Variants in AGPAT5 observed in about 807,000 individuals in gnomAD.
AGPAT5 encodes the protein 1-acyl-sn-glycerol-3-phosphate acyltransferase epsilon.
AGPAT5 carries 46 observed loss-of-function variants against 45.6 expected under a neutral mutation model. The observed-to-expected ratio is 1.01, with a 90% CI of 0.80 to 1.29. The LOEUF is 1.29. Among genes scored for constraint, AGPAT5 ranks in the 50% most tolerant of loss-of-function variants. The pLI is 0.00. For missense variants in AGPAT5, 673 were observed against 450.7 expected (o/e 1.49, Z -4.47); for synonymous variants, 272 against 167.0 (o/e 1.63, Z -4.85).
At chr8:6,748,122 C>T (rs1255847010) in intron 6 of AGPAT5, among the ~76,000 whole-genome samples, 4 of 152,064 alleles carry the variant, frequency 2.6e-5, no homozygotes, top group East Asian at 3.9e-4. Context: ...GGGAGGAAGA[C>T]GTGAAGAAGG....
At chr8:6,712,400 G>A (rs1246117693) in intron 1 of AGPAT5, among the ~76,000 whole-genome samples, 1 of 151,792 alleles carries the variant, frequency 6.6e-6, no homozygotes. Context: ...GGAAATAACT[G>A]AAATCCTGAT....
At chr8:6,756,165 C>G (rs543358148) in intron 7 of AGPAT5, among the ~76,000 whole-genome samples, 1 of 152,088 alleles carries the variant, frequency 6.6e-6, no homozygotes, top group African/African-American at 2.4e-5. Context: ...CTTTACAAAT[C>G]TTATGTAATA....
chr8:6,728,837 G>C (rs1417321712), intron 2 of AGPAT5, among the ~76,000 whole-genome samples: 1 of 152,162 alleles, frequency 6.6e-6, no homozygotes, highest in Non-Finnish European at 1.5e-5. Flanking sequence ...AAAGAAATAT[G>C]TTTATCAGTT....
intron 5 of AGPAT5, among the ~76,000 whole-genome samples, chr8:6,744,516 T>G (rs929845680): frequency 1.3e-5 from 2 of 152,122 alleles, no homozygotes; most frequent in Non-Finnish European, 2.9e-5. Context: ...TTGTGGAGGC[T>G]TGGGGGGATC....
At chr8:6,713,149 T>C (rs986208332) in intron 1 of AGPAT5, among the ~76,000 whole-genome samples, 1 of 152,212 alleles carries the variant, frequency 6.6e-6, no homozygotes, top group Admixed American at 6.5e-5. Context: ...TTAAAAGTTT[T>C]TGTAGAAATG....
At chr8:6,738,793 T>G (rs1209208812) in intron 4 of AGPAT5, among the ~76,000 whole-genome samples, 1 of 152,202 alleles carries the variant, frequency 6.6e-6, no homozygotes, top group Non-Finnish European at 1.5e-5. Context: ...TTTTATACAT[T>G]TATATGTATC....
intron 5 of AGPAT5, chr8:6,746,022 C>T (rs944996195): frequency 1.3e-5 from 2 of 151,048 alleles, no homozygotes; most frequent in African/African-American, 4.9e-5. Context: ...TTCCTTCCCT[C>T]ACTCGTTCTC....
chr8:6,739,174 C>T (rs1244756001), intron 4 of AGPAT5, among the ~76,000 whole-genome samples: 1 of 151,956 alleles, frequency 6.6e-6, no homozygotes. Context: ...ATGCCAATAC[C>T]ATACTGTCTT....
intron 4 of AGPAT5, among the ~76,000 whole-genome samples, chr8:6,736,069 G>A (rs1239086733): frequency 1.3e-5 from 2 of 152,042 alleles, no homozygotes; most frequent in African/African-American, 2.4e-5. Flanking sequence ...GGCCAGGCTG[G>A]TCTCGAACTC....
In AGPAT5 at chr8:6,756,609, C is replaced by CAA. The variant is rs11300826; in HGVS notation, c.870-537_870-536dup. Among the ~76,000 whole-genome samples the CAA allele has an allele frequency of 7.1e-3, 878 of 122,906 alleles. 15 individuals are homozygous for CAA. Among genetic ancestry groups the CAA allele is most frequent in the East Asian group, 0.068 (288 of 4,220 alleles). 80.6% of individuals were successfully genotyped at this position (122,906 alleles called of 152,430 possible). A position where few individuals can be genotyped will look rare whatever the true frequency, so the allele number is the denominator to read the frequency against. ...AGCCTGGTAACAGAGTGCCTTTTTT[C>CAA]AAAAAAAAAAAAAAAAAAGGATTTG... On this transcript the variant is annotated intron_variant, in intron 7 of 7. Coordinates refer to ENST00000285518, the MANE Select transcript of AGPAT5 (RefSeq NM_018361.5).
At chr8:6,724,786 C>G in intron 1 of AGPAT5, 84 bp from the exon 2 acceptor site, 1 of 414,270 alleles carries the variant, frequency 2.4e-6, no homozygotes, top group Non-Finnish European at 4.3e-6. Context: ...CAACATCATT[C>G]GTCAGTTTCT....
intron 2 of AGPAT5, among the ~76,000 whole-genome samples, chr8:6,725,616 G>C (rs577243662): frequency 6.6e-6 from 1 of 152,262 alleles, no homozygotes; most frequent in South Asian, 2.1e-4. Context: ...GCAGAATCAG[G>C]AAATTGTCAT....
At chr8:6,709,742 A>T (rs184569485) in intron 1 of AGPAT5, among the ~76,000 whole-genome samples, 1 of 151,440 alleles carries the variant, frequency 6.6e-6, no homozygotes, top group Admixed American at 6.6e-5. Flanking sequence ...CACCTACAGC[A>T]GCTGTTTTTA....
intron 1 of AGPAT5, 22 bp from the exon 2 acceptor site, chr8:6,724,847 TG>T (rs745806219): frequency 2.5e-5 from 19 of 773,724 alleles, no homozygotes; most frequent in Middle Eastern, 8.4e-4. Context: ...ATCAAAGTAA[TG>T]TTTTTTTGTT....
rs1563304278 is a variant in AGPAT5 at position 6,747,789 on chromosome 8, G to C, written c.706G>C (p.Asp236His). The C allele has an allele frequency of 1.2e-6, 2 of 1,614,162 alleles. No individual in the cohort carries two copies. Among genetic ancestry groups the C allele is most frequent in the Non-Finnish European group, 1.7e-6 (2 of 1,180,012 alleles). ...TGTTACGGTGGTTTATGAAGGGAAA[G>C]ACGATGGAGGGCAGCGAAGAGAGTC... ...YDVTVVYEGK[D>H]DGGQRRESPT... is the part of the protein sequence containing the mutation. The change falls in exon 6 of 8, where the codon GAC (aspartate) becomes CAC (histidine). Residue 236 changes from aspartate to histidine, a missense_variant. Physicochemically the swap from Asp to His is moderately conservative, Grantham distance 81. Coordinates refer to ENST00000285518, the MANE Select transcript of AGPAT5 (RefSeq NM_018361.5).
intron 6 of AGPAT5, among the ~76,000 whole-genome samples, chr8:6,748,661 T>C (rs1164342182): frequency 6.6e-6 from 1 of 152,186 alleles, no homozygotes; most frequent in Non-Finnish European, 1.5e-5. Flanking sequence ...TGTGCCACCA[T>C]GCATGACTAA....
intron 4 of AGPAT5, among the ~76,000 whole-genome samples, chr8:6,733,229 G>C (rs1303253132): frequency 6.6e-6 from 1 of 152,238 alleles, no homozygotes; most frequent in Non-Finnish European, 1.5e-5. Flanking sequence ...AAAGCACCAT[G>C]ATCACCGGGG....
In AGPAT5 at chr8:6,747,824, G is replaced by C; in HGVS notation, c.741G>C (p.Met247Ile). 6.2e-7 allele frequency: 1 copy of C among 1,613,992 alleles called. No individual in the cohort carries two copies. The highest frequency in any genetic ancestry group is 8.5e-7 in the Non-Finnish European group (1 of 1,179,928). The part of the protein sequence containing the change: ...DGGQRRESPT[M>I]TEFLCKECPK... ...GGCAGCGAAGAGAGTCACCGACCAT[G>C]ACGGGTAAGTGTGTTCACGCACCTG... The change falls in exon 6 of 8, where the codon ATG (methionine) becomes ATC (isoleucine). Residue 247 changes from methionine (M) to isoleucine (I), a missense_variant. Met to Ile is a conservative substitution (Grantham distance 10). Coordinates refer to ENST00000285518, the MANE Select transcript of AGPAT5 (RefSeq NM_018361.5).
At chr8:6,713,474 A>C (rs2116849987) in intron 1 of AGPAT5, among the ~76,000 whole-genome samples, 1 of 152,370 alleles carries the variant, frequency 6.6e-6, no homozygotes. Context: ...TAAGTGTAAA[A>C]TAGTGTGAAA....
Sources: gnomAD v4.1 joint callset for allele counts (sites outside exome capture counted in the v4.1 genomes callset) on GRCh38, gnomAD v4.1.1 for gene constraint, MANE v1.5 for transcripts, NCBI Gene and HGNC (gene_info 2026-07-23, HGNC 2026-07-21) for gene names.